Variants in SOX6 observed in about 807,000 individuals in gnomAD.
The protein encoded by SOX6 is transcription factor SOX-6.
In SOX6, 11 loss-of-function variants were observed where a neutral mutation model predicts 97.8. The ratio of observed to expected loss-of-function variants is 0.11; its 90% CI spans 0.07 to 0.19. The LOEUF is 0.19. SOX6 is among the 10% of genes least tolerant of loss of function. The probability of loss-of-function intolerance (pLI) is 1.00; values close to 1 mark genes in which losing one functional copy is unlikely to be tolerated. For synonymous variants in SOX6, 360 were observed against 371.4 expected (o/e 0.97, Z 0.35); for missense variants, 810 against 1,039.5 (o/e 0.78, Z 3.04).
At chr11:16,279,639 A>G (rs1204885977) in intron 3 of SOX6, among the ~76,000 whole-genome samples, 1 of 151,900 alleles carries the variant, frequency 6.6e-6, no homozygotes, top group Admixed American at 6.6e-5. Context: ...GAAAACTTAC[A>G]TTTTCAAAAT....
intron 1 of SOX6, among the ~76,000 whole-genome samples, chr11:16,440,355 G>A (rs148679429): frequency 1.3e-3 from 203 of 152,250 alleles, no homozygotes; most frequent in African/African-American, 4.7e-3. Flanking sequence ...AGGGTCCCTT[G>A]GAGAATTATA....
intron 1 of SOX6, among the ~76,000 whole-genome samples, chr11:16,438,677 G>T (rs2133083520): frequency 6.6e-6 from 1 of 151,412 alleles, no homozygotes; most frequent in Non-Finnish European, 1.5e-5. Context: ...TCTGTCGTTT[G>T]GTGATACTCT....
Position 16,460,079 on chromosome 11 carries a change from A to G in SOX6, c.-5+16236T>C, listed in dbSNP as rs1335626531. On this transcript the variant is annotated intron_variant, in intron 1 of 15. Transcript: ENST00000396356. ...AAAAAAGCAGCCAGAGGAAAATGGCATATTACATATAAAGAAACATATATA... is the reference window on the plus strand; with the variant it reads ...AAAAAAGCAGCCAGAGGAAAATGGCGTATTACATATAAAGAAACATATATA... Among the ~76,000 whole-genome samples, 5 of 152,028 alleles carry G rather than the reference A, an allele frequency of 3.3e-5. No individual in the cohort carries two copies. In the East Asian group the frequency reaches 9.6e-4, roughly 29 times the overall value.
chr11:15,997,582 A>G (rs982394302), intron 13 of SOX6, among the ~76,000 whole-genome samples: 1 of 152,244 alleles, frequency 6.6e-6, no homozygotes, highest in Non-Finnish European at 1.5e-5. Context: ...ATGAAAACAC[A>G]TGATAATCAC....
intron 6 of SOX6, among the ~76,000 whole-genome samples, chr11:16,144,885 G>A (rs1227369314): frequency 6.6e-6 from 1 of 152,100 alleles, no homozygotes; most frequent in Non-Finnish European, 1.5e-5. Flanking sequence ...AAAAGTCCAG[G>A]ACCAGACGGA....
chr11:16,667,665 C>A (rs1054446477), intron 3 of SOX6, among the ~76,000 whole-genome samples: 4 of 152,040 alleles, frequency 2.6e-5, no homozygotes, highest in Admixed American at 6.6e-5. Flanking sequence ...TGAGACCTAT[C>A]CTACAAAAAA....
At chr11:16,139,356 T>C (rs984589904) in intron 6 of SOX6, among the ~76,000 whole-genome samples, 14 of 152,198 alleles carry the variant, frequency 9.2e-5, no homozygotes, top group African/African-American at 3.1e-4. Context: ...GTGACTTTCT[T>C]TCTGTAATGT....
At chr11:16,636,717 C>T (rs1202860296) in intron 3 of SOX6, among the ~76,000 whole-genome samples, 1 of 152,072 alleles carries the variant, frequency 6.6e-6, no homozygotes. Context: ...TGGTGGGAGG[C>T]AATTGAATCA....
At chr11:16,581,064 A>T (rs971885588) in intron 4 of SOX6, among the ~76,000 whole-genome samples, 2 of 152,180 alleles carry the variant, frequency 1.3e-5, no homozygotes, top group Non-Finnish European at 2.9e-5. Context: ...TAGAACCAGA[A>T]ATACCATTTG....
chr11:16,582,778 T>C (rs1848043046), intron 4 of SOX6, among the ~76,000 whole-genome samples: 3 of 152,028 alleles, frequency 2.0e-5, no homozygotes, highest in Admixed American at 2.0e-4. Context: ...GAATAGAAAA[T>C]ATGAATAGAC....
intron 1 of SOX6, among the ~76,000 whole-genome samples, chr11:16,361,639 A>G (rs1042724007): frequency 5.3e-5 from 8 of 152,094 alleles, no homozygotes; most frequent in Admixed American, 4.6e-4. Context: ...AGACCCTGAA[A>G]CTCTACCCCA....
chr11:16,194,201 C>T (rs1396659662), intron 4 of SOX6, among the ~76,000 whole-genome samples: 1 of 152,164 alleles, frequency 6.6e-6, no homozygotes, highest in African/African-American at 2.4e-5. Context: ...AAAAGCTTTC[C>T]ACACTAAATG....
intron 13 of SOX6, among the ~76,000 whole-genome samples, chr11:15,997,328 G>A (rs758562352): frequency 1.2e-4 from 19 of 152,130 alleles, no homozygotes; most frequent in Admixed American, 2.6e-4. Flanking sequence ...ATAATATTGC[G>A]TAAAGGTATG....
intron 4 of SOX6, among the ~76,000 whole-genome samples, chr11:16,575,046 T>TA (rs756559904): frequency 0.14 from 16,550 of 115,496 alleles, 924 homozygotes; most frequent in Non-Finnish European, 0.17. Flanking sequence ...TCTCAAAAAA[T>TA]AAAAAAAAAA....
At chr11:16,310,503 AT>A (rs1855568752) in intron 3 of SOX6, among the ~76,000 whole-genome samples, 2 of 152,076 alleles carry the variant, frequency 1.3e-5, no homozygotes, top group Non-Finnish European at 2.9e-5. Context: ...TATGATACAA[AT>A]TTTTTAAAAC....
chr11:16,156,953 C>T (rs1850619229), intron 6 of SOX6, among the ~76,000 whole-genome samples: 2 of 151,926 alleles, frequency 1.3e-5, no homozygotes, highest in African/African-American at 2.4e-5. Flanking sequence ...TCTATCTTCC[C>T]AAACTTTGTC....
At chr11:16,504,985 C>T (rs1231647032) in intron 4 of SOX6, among the ~76,000 whole-genome samples, 1 of 152,134 alleles carries the variant, frequency 6.6e-6, no homozygotes, top group Non-Finnish European at 1.5e-5. Context: ...TCAGGTATTT[C>T]TTTACAGCAA....
chr11:16,595,780 C>G (rs909102241), intron 4 of SOX6, among the ~76,000 whole-genome samples: 2 of 151,874 alleles, frequency 1.3e-5, no homozygotes, highest in African/African-American at 4.8e-5. Context: ...CTTAAAAACA[C>G]AAACAAACAA....
chr11:16,129,754 TG>T (rs1414193578), intron 6 of SOX6, among the ~76,000 whole-genome samples: 3 of 152,118 alleles, frequency 2.0e-5, no homozygotes, highest in Non-Finnish European at 4.4e-5. Flanking sequence ...CACTTATTCA[TG>T]ATTTAAAAAA....
Sources: allele counts gnomAD v4.1 joint callset (sites outside exome capture counted in the v4.1 genomes callset), GRCh38; gene constraint gnomAD v4.1.1; transcripts MANE v1.5; gene names NCBI Gene and HGNC (gene_info 2026-07-23, HGNC 2026-07-21).